Variants in MYO1H observed in about 807,000 individuals in gnomAD.
MYO1H encodes unconventional myosin-Ih.
MYO1H carries 118 observed loss-of-function variants against 149.3 expected under a neutral mutation model. That is an observed-to-expected ratio of 0.79 (90% CI 0.68 to 0.92). MYO1H has a LOEUF of 0.92. MYO1H is among the 40% of genes least tolerant of loss of function. MYO1H has a pLI of 0.00. For missense variants in MYO1H, 1,212 were observed against 1,280.7 expected (o/e 0.95, Z 0.82); for synonymous variants, 447 against 465.2 (o/e 0.96, Z 0.50).
the MYO1H span, among the ~76,000 whole-genome samples, chr12:109,324,434 A>G: frequency 3.3e-5 from 5 of 152,168 alleles, no homozygotes; most frequent in African/African-American, 1.2e-4. Flanking sequence ...GTGGGATGGG[A>G]GATACTGTTG....
chr12:109,444,529 G>A (rs371939709), exon 30 of MYO1H: 14 of 1,611,986 alleles, frequency 8.7e-6, no homozygotes, highest in Non-Finnish European at 1.2e-5. Flanking sequence ...GTTCAAGGAA[G>A]GTAGGTGGCT....
chr12:109,394,725 A>C (rs892414661), intron 3 of MYO1H, among the ~76,000 whole-genome samples: 6 of 152,096 alleles, frequency 3.9e-5, no homozygotes, highest in Admixed American at 3.3e-4. Flanking sequence ...TGACTCAGCT[A>C]TTCCACTTTC....
At chr12:109,438,922 A>C (rs1305997518) in intron 23 of MYO1H, among the ~76,000 whole-genome samples, 1 of 152,224 alleles carries the variant, frequency 6.6e-6, no homozygotes, top group Non-Finnish European at 1.5e-5. Context: ...ACAACAGGGC[A>C]TGGTGGAGAC....
At chr12:109,428,106 A>AC (rs1201035138) in intron 19 of MYO1H, among the ~76,000 whole-genome samples, 25 of 146,112 alleles carry the variant, frequency 1.7e-4, no homozygotes, top group African/African-American at 5.8e-4. Context: ...CAAAACAACA[A>AC]AAAAAAAAAC....
At chr12:109,410,000 C>T in exon 12 of MYO1H, 1 of 1,544,242 alleles carries the variant, frequency 6.5e-7, no homozygotes. Flanking sequence ...CAATGAGAAA[C>T]TCCAGCAACT....
chr12:109,435,586 C>CG (rs1356557664), intron 21 of MYO1H, among the ~76,000 whole-genome samples: 2 of 152,138 alleles, frequency 1.3e-5, no homozygotes, highest in Non-Finnish European at 2.9e-5. Flanking sequence ...GAAATGTAAC[C>CG]GGTCTGTCAA....
At chr12:109,409,972 G>C in exon 12 of MYO1H, 1 of 1,526,072 alleles carries the variant, frequency 6.6e-7, no homozygotes, top group Non-Finnish European at 8.8e-7. Context: ...GTTTTGAACA[G>C]TTCTGTATAA....
intron 2 of MYO1H, among the ~76,000 whole-genome samples, chr12:109,390,666 G>A (rs1042852679): frequency 3.3e-4 from 49 of 147,256 alleles, no homozygotes; most frequent in African/African-American, 1.2e-3. Flanking sequence ...TTGTTTGTTT[G>A]TTTTTTTTTT....
rs1868716070 is a variant in MYO1H at position 109,360,325 on chromosome 12, G to A, written c.12+12353G>A. ...CTAATCGGTTTATGACAAAATTAAT[G>A]GGAGTTTCTGGTGCCTCGTGAATCA... On this transcript the variant is annotated intron_variant, in intron 1 of 31. Coordinates refer to ENST00000310903, the Ensembl canonical transcript of MYO1H. Among the ~76,000 whole-genome samples the A allele has an allele frequency of 3.3e-5, 5 of 152,084 alleles. No homozygotes were observed. The South Asian group carries it at 8.3e-4, about 25-fold the overall frequency.
chr12:109,394,907 T>C (rs12579285), intron 3 of MYO1H, among the ~76,000 whole-genome samples: 70,186 of 151,878 alleles, frequency 0.46, 16,969 homozygotes, highest in African/African-American at 0.6. Context: ...GGACTACAGG[T>C]ACACACCACC....
intron 1 of MYO1H, among the ~76,000 whole-genome samples, chr12:109,351,524 C>G (rs1273768432): frequency 1.3e-5 from 2 of 152,212 alleles, no homozygotes; most frequent in African/African-American, 4.8e-5. Flanking sequence ...GTGTCCAGAA[C>G]TGGTGCCTTG....
At position 109,443,192 on chromosome 12, in the gene MYO1H, G is replaced by T. The variant is rs868783550; in HGVS notation, c.2689-322G>T. On this transcript the variant is annotated intron_variant, in intron 27 of 31. Coordinates refer to ENST00000310903, the Ensembl canonical transcript of MYO1H. Reference sequence around the variant, plus strand: ...TGTACGTATGTGTGTATATGTGTACGTATATGTGTGTATATGTGTACGTAT... The same window carrying T: ...TGTACGTATGTGTGTATATGTGTACTTATATGTGTGTATATGTGTACGTAT... Among the ~76,000 whole-genome samples, 3 of 110,074 alleles carry T rather than the reference G, an allele frequency of 2.7e-5. 1 individual carries two copies. 72.2% of individuals were successfully genotyped at this position (110,074 alleles called of 152,430 possible).
the MYO1H span, among the ~76,000 whole-genome samples, chr12:109,335,398 C>T: frequency 6.6e-6 from 1 of 152,076 alleles, no homozygotes; most frequent in African/African-American, 2.4e-5. Flanking sequence ...TGTTGTTAAA[C>T]TATAAGAAAT....
rs117442521 is a variant in MYO1H at position 109,407,855 on chromosome 12, T to A, written c.1097T>A (p.Val366Asp). Residue 366 changes from valine to aspartate, a missense_variant, in exon 10 of 32, where the codon GTT (valine) becomes GAT (aspartate). Physicochemically the swap from Val to Asp is radical, Grantham distance 152. Transcript: ENST00000310903. ...GCTAGAGATGCAATGGCAAAGGCTG[T>A]TTATGGACGAACGTTTACTTGGCTG... is the stretch of plus-strand genomic sequence containing the variant. 0.014 allele frequency: 22,118 copies of A among 1,613,954 alleles called. 191 individuals carry two copies. The highest frequency in any genetic ancestry group is 0.017 in the Non-Finnish European group (19,807 of 1,179,874).
chr12:109,396,409 C>A lies in MYO1H; in HGVS notation c.316C>A (p.Arg106=), dbSNP rs750954815. The change falls in exon 4 of 32, where the codon CGA becomes AGA. Residue 106 remains arginine (R), a synonymous_variant. Transcript: ENST00000310903. ...CTACGCTATAGCCGACAACGCTTAC[C>A]GAATGATGTGTGCTGAACTAAATAA... The A allele has an allele frequency of 1.9e-6, 3 of 1,611,750 alleles. No individual in the cohort carries two copies. The Admixed American group carries it at 5.0e-5, about 27-fold the overall frequency.
chr12:109,327,669 C>T, the MYO1H span, among the ~76,000 whole-genome samples: 555 of 142,792 alleles, frequency 3.9e-3, 7 homozygotes, highest in African/African-American at 0.014. Flanking sequence ...TCACTTGAAC[C>T]CAGGAGGCAG....
At chr12:109,421,128 A>G (rs906420143) in intron 16 of MYO1H, 101 bp downstream of exon 16, 56 of 722,318 alleles carry the variant, frequency 7.8e-5, no homozygotes, top group Middle Eastern at 3.2e-4. Context: ...TTTTTTTTCC[A>G]TGCATCGTAT....
chr12:109,391,154 G>GT (rs1240664837), intron 2 of MYO1H, among the ~76,000 whole-genome samples: 1 of 152,182 alleles, frequency 6.6e-6, no homozygotes, highest in Non-Finnish European at 1.5e-5. Flanking sequence ...TGCTGTGGTG[G>GT]TTTGCTGCAC....
upstream of MYO1H, among the ~76,000 whole-genome samples, chr12:109,346,821 T>TA (rs2136989731): frequency 6.6e-6 from 1 of 152,228 alleles, no homozygotes; most frequent in South Asian, 2.1e-4. Context: ...TATATATTTT[T>TA]AAAAAACATT....
Sources: allele counts gnomAD v4.1 joint callset (sites outside exome capture counted in the v4.1 genomes callset), GRCh38; gene constraint gnomAD v4.1.1; transcripts MANE v1.5; gene names NCBI Gene and HGNC (gene_info 2026-07-23, HGNC 2026-07-21).